PPP4R3B: variants seen among roughly 807,000 people sequenced by gnomAD.
The protein encoded by PPP4R3B is protein phosphatase 4 regulatory subunit 3B.
A neutral mutation model predicts 95.4 loss-of-function variants in PPP4R3B; 52 were observed. That is an observed-to-expected ratio of 0.54 (90% CI 0.44 to 0.69). PPP4R3B has a LOEUF of 0.69. PPP4R3B is among the 30% of genes least tolerant of loss of function. PPP4R3B has a pLI of 0.00. For synonymous variants in PPP4R3B, 407 were observed against 343.9 expected (o/e 1.18, Z -2.03); for missense variants, 1,003 against 1,005.9 (o/e 1.00, Z 0.04).
In PPP4R3B at chr2:55,564,309, AT is replaced by A. The variant is rs1687003097; in HGVS notation, c.2260+3del. Reference sequence around the variant, plus strand: ...CACTGTGCAAAAATTCCGAATTTTAATACCTTTTTTAGTCTCCATAAACTTT... The same window carrying A: ...CACTGTGCAAAAATTCCGAATTTTAAACCTTTTTTAGTCTCCATAAACTTT... On this transcript the variant is annotated splice_donor_region_variant and intron_variant, in intron 15 of 16. Coordinates refer to ENST00000616407, the MANE Select transcript of PPP4R3B (RefSeq NM_001122964.3). 6.2e-7 allele frequency: 1 copy of A among 1,608,030 alleles called. No individual in the cohort carries two copies. Among genetic ancestry groups the A allele is most frequent in the Admixed American group, 1.7e-5 (1 of 58,400 alleles).
intron 11 of PPP4R3B, among the ~76,000 whole-genome samples, chr2:55,574,582 T>C (rs1190339882): frequency 6.6e-6 from 1 of 151,914 alleles, no homozygotes; most frequent in Non-Finnish European, 1.5e-5. Context: ...AAGTAAAAAA[T>C]ATTACATCAA....
At chr2:55,561,820 T>C (rs1007116157) in intron 15 of PPP4R3B, among the ~76,000 whole-genome samples, 1 of 152,228 alleles carries the variant, frequency 6.6e-6, no homozygotes, top group Non-Finnish European at 1.5e-5. Flanking sequence ...TTTTTTATTT[T>C]ATAGGATCAC....
chr2:55,605,143 C>A (rs1296741594), intron 2 of PPP4R3B, among the ~76,000 whole-genome samples: 1 of 152,084 alleles, frequency 6.6e-6, no homozygotes, highest in South Asian at 2.1e-4. Flanking sequence ...AGCCTACACA[C>A]ACATTTTTAA....
rs1690499024 is a variant in PPP4R3B at position 55,588,531 on chromosome 2, A to G, written c.999+348T>C. On this transcript the variant is annotated intron_variant, in intron 5 of 16. Transcript: ENST00000616407. ...TCCATCTCAGAAAAAAAAAAAAAAA[A>G]GAAAAAGAAAAGCATGGCTATAATG... Among the ~76,000 whole-genome samples, 3 of 151,348 alleles carry G rather than the reference A, an allele frequency of 2.0e-5. No homozygotes were observed. In the South Asian group the frequency reaches 6.2e-4, roughly 32 times the overall value.
At chr2:55,552,093 C>T (rs1347574502) in intron 16 of PPP4R3B, among the ~76,000 whole-genome samples, 1 of 152,104 alleles carries the variant, frequency 6.6e-6, no homozygotes, top group Non-Finnish European at 1.5e-5. Context: ...GAAAAACTCA[C>T]TTATACAATT....
intron 4 of PPP4R3B, among the ~76,000 whole-genome samples, chr2:55,589,684 G>C (rs1690686905): frequency 6.6e-6 from 1 of 151,926 alleles, no homozygotes; most frequent in Non-Finnish European, 1.5e-5. Context: ...GGAAGGCCGA[G>C]GCGGGCGGAT....
At chr2:55,606,664 A>C (rs1244417387) in intron 2 of PPP4R3B, among the ~76,000 whole-genome samples, 2 of 151,956 alleles carry the variant, frequency 1.3e-5, no homozygotes, top group African/African-American at 2.4e-5. Flanking sequence ...CTCTACTAAA[A>C]ATACCAGAAT....
intron 16 of PPP4R3B, among the ~76,000 whole-genome samples, chr2:55,552,896 A>T (rs1685408414): frequency 6.6e-6 from 1 of 152,236 alleles, no homozygotes; most frequent in African/African-American, 2.4e-5. Flanking sequence ...GCAGAGGGAT[A>T]CAGAAACGAG....
At chr2:55,575,686 C>G (rs1483923657) in intron 11 of PPP4R3B, among the ~76,000 whole-genome samples, 1 of 152,082 alleles carries the variant, frequency 6.6e-6, no homozygotes, top group African/African-American at 2.4e-5. Flanking sequence ...AATCCTCCTG[C>G]CTCGGCCTCC....
intron 4 of PPP4R3B, among the ~76,000 whole-genome samples, chr2:55,596,164 C>T (rs917729537): frequency 6.6e-6 from 1 of 151,998 alleles, no homozygotes; most frequent in Non-Finnish European, 1.5e-5. Context: ...AACCCTTTAC[C>T]CATTGAGAAA....
intron 11 of PPP4R3B, among the ~76,000 whole-genome samples, chr2:55,574,519 C>A (rs879617327): frequency 2.0e-5 from 3 of 151,648 alleles, no homozygotes; most frequent in African/African-American, 7.3e-5. Context: ...AAAAATTATA[C>A]GCTTTTAGAA....
intron 12 of PPP4R3B, among the ~76,000 whole-genome samples, chr2:55,568,763 A>G (rs1687615138): frequency 6.6e-6 from 1 of 152,230 alleles, no homozygotes; most frequent in South Asian, 2.1e-4. Context: ...AACGCAGTGA[A>G]GGCAGCTCAG....
chr2:55,591,578 G>C, intron 4 of PPP4R3B: 1 of 983,912 alleles, frequency 1.0e-6, no homozygotes, highest in South Asian at 4.7e-5. Context: ...TTTACTACCT[G>C]AAAATTTAAT....
At chr2:55,603,899 A>C (rs1693017398) in intron 3 of PPP4R3B, 79 bp downstream of exon 3, 1 of 960,816 alleles carries the variant, frequency 1.0e-6, no homozygotes, top group Admixed American at 2.5e-5. Context: ...CCACATCCTA[A>C]TATGTTTGAA....
intron 10 of PPP4R3B, among the ~76,000 whole-genome samples, chr2:55,577,579 A>G (rs546985022): frequency 6.6e-6 from 1 of 152,150 alleles, no homozygotes; most frequent in Non-Finnish European, 1.5e-5. Context: ...TAGCATAAAT[A>G]TTCTGATAAA....
intron 2 of PPP4R3B, 139 bp downstream of exon 2, chr2:55,615,312 A>T: frequency 1.4e-6 from 1 of 693,448 alleles, no homozygotes; most frequent in Non-Finnish European, 2.4e-6. Context: ...GAAACTTTTA[A>T]CCTGCAAGAG....
chr2:55,573,489 GAAC>G, intron 12 of PPP4R3B, 127 bp downstream of exon 12: 1 of 848,890 alleles, frequency 1.2e-6, no homozygotes, highest in African/African-American at 1.8e-5. Context: ...CTTTAAATAA[GAAC>G]AAAAGAATAG....
chr2:55,604,909 G>C (rs1177217184), intron 2 of PPP4R3B, among the ~76,000 whole-genome samples: 1 of 151,914 alleles, frequency 6.6e-6, no homozygotes, highest in Non-Finnish European at 1.5e-5. Context: ...GTACAATCAC[G>C]ACTCACTGCA....
chr2:55,568,387 T>G, intron 12 of PPP4R3B, 24 bp from the exon 13 acceptor site: 1 of 1,562,570 alleles, frequency 6.4e-7, no homozygotes. Flanking sequence ...ATATAGGGAA[T>G]AAGTTAATGA....
Sources: allele counts gnomAD v4.1 joint callset (sites outside exome capture counted in the v4.1 genomes callset), GRCh38; gene constraint gnomAD v4.1.1; transcripts MANE v1.5; gene names NCBI Gene and HGNC (gene_info 2026-07-23, HGNC 2026-07-21).